Variants in TK2 observed in about 807,000 individuals in gnomAD.
The protein encoded by TK2 is thymidine kinase 2, mitochondrial.
TK2 carries 35 observed loss-of-function variants against 41.9 expected under a neutral mutation model. The observed-to-expected ratio is 0.84, with a 90% CI of 0.64 to 1.11. TK2 has a LOEUF of 1.11. Ranked by LOEUF, TK2 falls within the 50% of genes least tolerant of loss-of-function variation. The pLI, the probability that TK2 is intolerant of heterozygous loss-of-function variation, is 0.00. For missense variants in TK2, 320 were observed against 351.1 expected, an observed-to-expected ratio of 0.91 and a Z score of 0.71; for synonymous variants, 128 against 129.1, an observed-to-expected ratio of 0.99 and a Z score of 0.06.
At chr16:66,518,952 TTTTA>T (rs1466490511) in intron 6 of TK2, among the ~76,000 whole-genome samples, 6 of 152,020 alleles carry the variant, frequency 3.9e-5, no homozygotes, top group African/African-American at 9.7e-5. Context: ...ATATTTTAGT[TTTTA>T]TTTATTTTTT....
At chr16:66,532,114 A>G (rs1215561870) in intron 4 of TK2, among the ~76,000 whole-genome samples, 1 of 150,802 alleles carries the variant, frequency 6.6e-6, no homozygotes, top group Non-Finnish European at 1.5e-5. Context: ...AAAGTAAAAT[A>G]AAAGTTGAAA....
At chr16:66,528,830 T>A (rs1262835219) in intron 6 of TK2, among the ~76,000 whole-genome samples, 164 bp downstream of exon 6, 1 of 152,232 alleles carries the variant, frequency 6.6e-6, no homozygotes, top group African/African-American at 2.4e-5. Context: ...CAGATAGCTG[T>A]CTGCCATGAG....
chr16:66,508,114 A>G lies in TK2; in HGVS notation c.*3854T>C, dbSNP rs1034622436. 1 of 152,256 alleles carries G rather than the reference A, an allele frequency of 6.6e-6. No individual in the cohort carries two copies. Among genetic ancestry groups the G allele is most frequent in the Non-Finnish European group, 1.5e-5 (1 of 68,042 alleles). The allele number at this position is 152,256 out of a possible 1,614,324, so 9.4% of individuals were successfully genotyped here. Reference sequence around the variant, plus strand: ...AGGACACCTGTGTTCCACAGAGCCCAGTCTGGTAAACAACAGTCTTAAAGA... The same window carrying G: ...AGGACACCTGTGTTCCACAGAGCCCGGTCTGGTAAACAACAGTCTTAAAGA... On this transcript the variant is annotated 3_prime_UTR_variant, in exon 10 of 10. Coordinates refer to ENST00000544898, the MANE Select transcript of TK2 (RefSeq NM_004614.5).
In TK2 at chr16:66,509,598, T is replaced by C. The variant is rs886283065; in HGVS notation, c.*2370A>G. The C allele has an allele frequency of 6.6e-6, 1 of 152,266 alleles. No homozygotes were observed. The highest frequency in any genetic ancestry group is 2.4e-5 in the African/African-American group (1 of 41,464). 9.4% of individuals were successfully genotyped at this position (152,266 alleles called of 1,614,324 possible). ...GCAGCTCTGCGGTGTACTGACTTCA[T>C]GTCCCCATGGAACTCCAGTCTCACA... On this transcript the variant is annotated 3_prime_UTR_variant, in exon 10 of 10. Coordinates refer to ENST00000544898, the MANE Select transcript of TK2 (RefSeq NM_004614.5).
intron 8 of TK2, among the ~76,000 whole-genome samples, chr16:66,515,470 C>A (rs1250804102): frequency 6.6e-6 from 1 of 152,258 alleles, no homozygotes; most frequent in African/African-American, 2.4e-5. Context: ...GCATGCCAGG[C>A]AGAGCAGATA....
rs1402524751 is a variant in TK2, at chr16:66,514,354, C to T, written c.619-543G>A. Among the ~76,000 whole-genome samples, 6 of 152,358 alleles carry T rather than the reference C, an allele frequency of 3.9e-5. No individual in the cohort carries two copies. Among genetic ancestry groups the T allele is most frequent in the African/African-American group, 7.2e-5 (3 of 41,588 alleles). On this transcript the variant is annotated intron_variant, in intron 8 of 9. Transcript: ENST00000544898. This position sits in a 1 kb window ranked among gnomAD's most constrained non-coding sequence, Gnocchi z 4.2. The stretch of plus-strand genomic sequence containing the variant: ...CGGGCTGGTCTCCAGCTCCTAACCG[C>T]GAGTGATCCGCCAGCCTCGGCCTCC...
intron 3 of TK2, 118 bp downstream of exon 3, chr16:66,541,761 T>C: frequency 2.0e-6 from 2 of 987,514 alleles, no homozygotes; most frequent in Non-Finnish European, 3.2e-6. Context: ...AAATTACACC[T>C]GTGGCTTGCA....
chr16:66,542,165 T>C (rs1373170378), intron 2 of TK2, among the ~76,000 whole-genome samples: 2 of 152,162 alleles, frequency 1.3e-5, no homozygotes, highest in African/African-American at 4.8e-5. Flanking sequence ...CAGGCTCATG[T>C]GGTCCCCCCA....
At chr16:66,541,546 C>T (rs1797574798) in intron 3 of TK2, among the ~76,000 whole-genome samples, 1 of 152,122 alleles carries the variant, frequency 6.6e-6, no homozygotes, top group South Asian at 2.1e-4. Flanking sequence ...CCACCTCAGC[C>T]TCCCAAGTAG....
chr16:66,547,906 G>C (rs1199273266), intron 2 of TK2: 2 of 1,272,582 alleles, frequency 1.6e-6, no homozygotes, highest in Non-Finnish European at 2.0e-6. Context: ...AAAGCACAAA[G>C]AACAGGCCCA....
intron 6 of TK2, among the ~76,000 whole-genome samples, chr16:66,519,531 T>C (rs757284929): frequency 1.3e-5 from 2 of 151,900 alleles, no homozygotes; most frequent in Non-Finnish European, 2.9e-5. Flanking sequence ...GGCAAGAAAG[T>C]GGGAAGGAAG....
chr16:66,542,052 T>A, intron 2 of TK2, 99 bp from the exon 3 acceptor site: 1 of 1,321,252 alleles, frequency 7.6e-7, no homozygotes, highest in Non-Finnish European at 1.1e-6. Flanking sequence ...CCAGCATAAT[T>A]GGTTCAGTCC....
intron 9 of TK2, 68 bp downstream of exon 9, chr16:66,513,663 G>A: frequency 1.4e-6 from 2 of 1,437,784 alleles, no homozygotes; most frequent in Non-Finnish European, 2.0e-6. Flanking sequence ...TCTGCAAGGT[G>A]GCTGACATTC....
chr16:66,538,819 C>T (rs991473893), intron 3 of TK2, among the ~76,000 whole-genome samples: 21 of 152,150 alleles, frequency 1.4e-4, no homozygotes, highest in Admixed American at 1.1e-3. Flanking sequence ...CAAAGCTCTT[C>T]GTACCACAGA....
intron 6 of TK2, among the ~76,000 whole-genome samples, chr16:66,526,458 G>A (rs1465770737): frequency 5.3e-5 from 8 of 152,230 alleles, no homozygotes; most frequent in East Asian, 3.9e-4. Context: ...AAAGAGCCAC[G>A]AGGCCGAGCA....
intron 1 of TK2, chr16:66,549,365 G>A: frequency 1.8e-6 from 2 of 1,137,588 alleles, no homozygotes; most frequent in Non-Finnish European, 2.2e-6. Flanking sequence ...GGCGGCGGAC[G>A]TGGTTTTGGG....
At chr16:66,513,980 C>T (rs1964530237) in intron 8 of TK2, 169 bp from the exon 9 acceptor site, 4 of 693,464 alleles carry the variant, frequency 5.8e-6, no homozygotes, top group Non-Finnish European at 1.1e-5. Flanking sequence ...GACGCAGCCA[C>T]ACACTCGGTG....
chr16:66,538,583 G>A (rs1169718039), intron 3 of TK2, among the ~76,000 whole-genome samples: 2 of 152,168 alleles, frequency 1.3e-5, no homozygotes, highest in African/African-American at 4.8e-5. Flanking sequence ...CACAACAATA[G>A]CAAAACCAGC....
At chr16:66,533,859 T>G (rs1243810775) in intron 4 of TK2, among the ~76,000 whole-genome samples, 1 of 151,556 alleles carries the variant, frequency 6.6e-6, no homozygotes, top group Non-Finnish European at 1.5e-5. Context: ...ATACAAAAAA[T>G]TAGCCAGGTG....
Sources: gnomAD v4.1 joint callset for allele counts (sites outside exome capture counted in the v4.1 genomes callset) on GRCh38, gnomAD v4.1.1 for gene constraint, Gnocchi (gnomAD v3.1) non-coding constraint, MANE v1.5 for transcripts, NCBI Gene and HGNC (gene_info 2026-07-23, HGNC 2026-07-21) for gene names.